ANKRD36C: variants seen among roughly 807,000 people sequenced by gnomAD.
The protein encoded by ANKRD36C is ankyrin repeat domain 36C.
Under a neutral mutation model 276.4 loss-of-function variants are expected in ANKRD36C, and 61 were observed. The ratio of observed to expected loss-of-function variants is 0.22; its 90% CI spans 0.18 to 0.27. ANKRD36C has a LOEUF of 0.27. ANKRD36C is among the 10% of genes least tolerant of loss of function. ANKRD36C has a pLI of 1.00. For synonymous variants in ANKRD36C, 483 were observed against 680.1 expected (o/e 0.71, Z 4.51); for missense variants, 1,447 against 2,032.3 (o/e 0.71, Z 5.54).
In ANKRD36C at chr2:95,896,900, T is replaced by C. The variant is rs537898644; in HGVS notation, c.2755+2245A>G. On this transcript the variant is annotated intron_variant, in intron 44 of 66. Transcript: ENST00000456556. ...ACGGGTTGTTACAACAAGCTTTCTGTCTTTTCTTGGCAGTACGATCTGAAG... is the reference window on the plus strand; with the variant it reads ...ACGGGTTGTTACAACAAGCTTTCTGCCTTTTCTTGGCAGTACGATCTGAAG... Among the ~76,000 whole-genome samples, 18 of 149,236 alleles carry C rather than the reference T, an allele frequency of 1.2e-4. No homozygotes were observed. In the East Asian group the frequency reaches 2.6e-3, roughly 21 times the overall value.
intron 58 of ANKRD36C, among the ~76,000 whole-genome samples, chr2:95,880,083 G>C (rs1253662584): frequency 2.8e-5 from 4 of 140,652 alleles, no homozygotes; most frequent in African/African-American, 8.0e-5. Flanking sequence ...GGGAGGCTGA[G>C]GCAAGAGAAT....
At chr2:95,936,154 A>G (rs1340601102) in intron 22 of ANKRD36C, among the ~76,000 whole-genome samples, 3 of 152,018 alleles carry the variant, frequency 2.0e-5, no homozygotes, top group South Asian at 2.1e-4. Flanking sequence ...CAAAAAACGT[A>G]TACATTACAC....
rs547027983 is a variant in ANKRD36C at position 95,925,255 on chromosome 2, A to C, written c.2041+97T>G. 12 of 1,521,976 alleles carry C rather than the reference A, an allele frequency of 7.9e-6. No individual in the cohort carries two copies. The East Asian group carries it at 2.5e-4, about 31-fold the overall frequency. 94.3% of individuals were successfully genotyped at this position (1,521,976 alleles called of 1,614,324 possible). ...CAATCTCAGGCCTGCTTAATCAGAA[A>C]GTGCATTTTCAATGACACTCCACTG... On this transcript the variant is annotated intron_variant, in intron 30 of 66. Coordinates refer to ENST00000456556, the Ensembl canonical transcript of ANKRD36C.
chr2:95,984,765 C>A (rs186780297), intron 3 of ANKRD36C, among the ~76,000 whole-genome samples: 2,865 of 152,128 alleles, frequency 0.019, 42 homozygotes, highest in Non-Finnish European at 0.032. Context: ...ATAATATTAA[C>A]TTATAATTCT....
chr2:95,893,058 T>A (rs1262467864), intron 44 of ANKRD36C, among the ~76,000 whole-genome samples: 1 of 151,174 alleles, frequency 6.6e-6, no homozygotes, highest in Non-Finnish European at 1.5e-5. Context: ...CTGCCTCTTT[T>A]CACACCTTCC....
At chr2:95,953,261 A>T (rs199915432) in intron 14 of ANKRD36C, among the ~76,000 whole-genome samples, 2 of 151,422 alleles carry the variant, frequency 1.3e-5, no homozygotes. Context: ...AGAGATAAGC[A>T]CTTGTTATAT....
intron 4 of ANKRD36C, 123 bp from the exon 5 acceptor site, chr2:95,980,908 C>T: frequency 7.3e-7 from 1 of 1,373,668 alleles, no homozygotes; most frequent in Non-Finnish European, 9.7e-7. Context: ...TACTAAGAAA[C>T]AAGCATCTTA....
chr2:95,966,135 C>G (rs561222574), intron 6 of ANKRD36C, among the ~76,000 whole-genome samples: 7 of 152,180 alleles, frequency 4.6e-5, no homozygotes, highest in Non-Finnish European at 1.0e-4. Flanking sequence ...CCCACACACA[C>G]TCCCAAATAA....
chr2:95,880,683 A>G (rs1676056833), intron 56 of ANKRD36C, 60 bp from the exon 77 acceptor site: 4 of 1,516,802 alleles, frequency 2.6e-6, no homozygotes, highest in Non-Finnish European at 3.6e-6. Context: ...CCAACCATAC[A>G]TTTGTGGAGT....
At chr2:95,884,356 C>A in exon 53 of ANKRD36C, 1 of 1,610,788 alleles carries the variant, frequency 6.2e-7, no homozygotes, top group Non-Finnish European at 8.5e-7. Context: ...GGCTGGTTGT[C>A]TCTGAGAAGA....
chr2:95,953,066 T>G (rs1678239465), intron 14 of ANKRD36C, among the ~76,000 whole-genome samples: 1 of 152,268 alleles, frequency 6.6e-6, no homozygotes, highest in African/African-American at 2.4e-5. Flanking sequence ...AGTCTGACCA[T>G]AAAAATATGA....
At chr2:95,862,094 G>T (rs1380621699) in intron 60 of ANKRD36C, among the ~76,000 whole-genome samples, 1 of 151,988 alleles carries the variant, frequency 6.6e-6, no homozygotes, top group Non-Finnish European at 1.5e-5. Context: ...CGCAATATAT[G>T]AGACCAAAGT....
At chr2:95,959,034 T>C (rs1242179849) in intron 10 of ANKRD36C, among the ~76,000 whole-genome samples, 954 of 121,904 alleles carry the variant, frequency 7.8e-3, no homozygotes, top group South Asian at 0.015. Flanking sequence ...ATTACTGCAA[T>C]AAAACAGTGT....
chr2:95,886,201 T>C lies in ANKRD36C; in HGVS notation c.3090+15A>G. On this transcript the variant is annotated intron_variant, in intron 51 of 66. Coordinates refer to ENST00000456556, the Ensembl canonical transcript of ANKRD36C. Reference sequence around the variant, plus strand: ...TACAGTTAATAGTTCAAAATATATATGAGTGTTTAATTACCTTCCAGGCCA... The same window carrying C: ...TACAGTTAATAGTTCAAAATATATACGAGTGTTTAATTACCTTCCAGGCCA... 1.5e-6 allele frequency: 2 copies of C among 1,353,788 alleles called. No homozygotes were observed. Among genetic ancestry groups the C allele is most frequent in the African/African-American group, 1.4e-5 (1 of 73,024 alleles). 83.9% of individuals were successfully genotyped at this position (1,353,788 alleles called of 1,614,324 possible). A position where few individuals can be genotyped will look rare whatever the true frequency, so the allele number is the denominator to read the frequency against.
At chr2:95,910,639 G>A (rs1041279756) in intron 42 of ANKRD36C, 71 bp from the exon 45 acceptor site, 63 of 1,596,420 alleles carry the variant, frequency 3.9e-5, no homozygotes, top group African/African-American at 6.7e-5. Flanking sequence ...TTCATGCAGC[G>A]TTAGCATCAA....
intron 6 of ANKRD36C, among the ~76,000 whole-genome samples, chr2:95,969,169 TG>T (rs926262566): frequency 6.6e-6 from 1 of 152,112 alleles, no homozygotes; most frequent in African/African-American, 2.4e-5. Flanking sequence ...GGGGTGGGGC[TG>T]GAAGTCCCAA....
intron 61 of ANKRD36C, among the ~76,000 whole-genome samples, chr2:95,858,614 A>G (rs13385366): frequency 5.3e-5 from 8 of 152,292 alleles, no homozygotes; most frequent in South Asian, 2.1e-4. Flanking sequence ...AAACAAGTTG[A>G]TACATTCACT....
At chr2:95,902,047 T>C (rs1389606404) in intron 42 of ANKRD36C, among the ~76,000 whole-genome samples, 5 of 147,060 alleles carry the variant, frequency 3.4e-5, no homozygotes, top group African/African-American at 5.0e-5. Flanking sequence ...ATCATTCTTG[T>C]GTCTAAAATA....
At chr2:95,974,307 A>G (rs1479878324) in intron 6 of ANKRD36C, among the ~76,000 whole-genome samples, 3 of 152,174 alleles carry the variant, frequency 2.0e-5, no homozygotes, top group African/African-American at 7.2e-5. Context: ...GAGCAGCATC[A>G]CTTACACTGT....
Sources: gnomAD v4.1 joint callset for allele counts (sites outside exome capture counted in the v4.1 genomes callset) on GRCh38, gnomAD v4.1.1 for gene constraint, MANE v1.5 for transcripts, NCBI Gene and HGNC (gene_info 2026-07-23, HGNC 2026-07-21) for gene names.